The following OPRM1 variants were observed in gnomAD, a reference collection of about 807,000 sequenced individuals.
OPRM1 encodes opioid receptor mu 1.
In OPRM1, 27 loss-of-function variants were observed where a neutral mutation model predicts 31.8. The ratio of observed to expected loss-of-function variants is 0.85; its 90% CI spans 0.63 to 1.17. The LOEUF is 1.17. OPRM1 is among the 50% of genes most tolerant of loss of function. The pLI is 0.00. For missense variants in OPRM1, 536 were observed against 511.1 expected (o/e 1.05, Z -0.47); for synonymous variants, 196 against 189.9 (o/e 1.03, Z -0.26).
In OPRM1 at chr6:154,201,469, C is replaced by A. The variant is rs563123941; in HGVS notation, c.1165-45224C>A. ...TTTTAACTTTATTGGCCAACAAAAT[C>A]AAAAAATCTAGACTCCAGTACTCTA... On this transcript the variant is annotated intron_variant, in intron 3 of 3. Transcript: ENST00000337049. Among the ~76,000 whole-genome samples, 38 of 152,202 alleles carry A rather than the reference C, an allele frequency of 2.5e-4. 1 individual carries two copies. Among genetic ancestry groups the A allele is most frequent in the Admixed American group, 4.6e-4 (7 of 15,284 alleles).
intron 3 of OPRM1, among the ~76,000 whole-genome samples, chr6:154,240,533 A>AG (rs1780496369): frequency 6.6e-6 from 1 of 151,820 alleles, no homozygotes; most frequent in Admixed American, 6.6e-5. Flanking sequence ...AAAAAAAAAA[A>AG]GGTACTCTAT....
At chr6:154,030,556 A>G (rs1171044012) in intron 1 of OPRM1, among the ~76,000 whole-genome samples, 1 of 152,200 alleles carries the variant, frequency 6.6e-6, no homozygotes, top group Non-Finnish European at 1.5e-5. Flanking sequence ...AGTAATAGAA[A>G]ATATTCACCA....
Position 154,132,059 on chromosome 6 carries a change from G to A in OPRM1, c.*13338G>A, listed in dbSNP as rs150233609. Among the ~76,000 whole-genome samples, 1 of 151,714 alleles carries A rather than the reference G, an allele frequency of 6.6e-6. No individual in the cohort carries two copies. The highest frequency in any genetic ancestry group is 1.9e-4 in the East Asian group (1 of 5,160). On this transcript the variant is annotated 3_prime_UTR_variant, in exon 4 of 4. Transcript: ENST00000330432. ...CAAAGCTACTATTTCACATTTCCAG[G>A]TAGGACAGGATGATCAGATGCAGCT...
intron 2 of OPRM1, 48 bp from the exon 3 acceptor site, chr6:154,090,904 A>G (rs1037249543): frequency 6.5e-7 from 1 of 1,549,822 alleles, no homozygotes; most frequent in East Asian, 2.2e-5. Flanking sequence ...ACCTTATGAC[A>G]TAATTAAATG....
chr6:154,184,545 A>ATC lies in OPRM1; in HGVS notation c.1165-62147_1165-62146insCT, dbSNP rs1475048006. Among the ~76,000 whole-genome samples the ATC allele has an allele frequency of 1.3e-4, 20 of 152,170 alleles. 1 individual carries two copies. The highest frequency in any genetic ancestry group is 3.3e-4 in the Admixed American group (5 of 15,280). ...TGTACATCTATGTATGTGTATGTAT[A>ATC]TATATATATGCGCATTGGTACATAG... is the stretch of plus-strand genomic sequence containing the variant. On this transcript the variant is annotated intron_variant, in intron 3 of 3. Coordinates refer to the OPRM1 transcript ENST00000337049.
intron 3 of OPRM1, chr6:154,110,335 T>G (rs972799287): frequency 6.3e-6 from 8 of 1,262,798 alleles, no homozygotes; most frequent in Non-Finnish European, 9.0e-6. Context: ...GTTCTGTTTT[T>G]GAATGAAATA....
chr6:154,158,933 T>C (rs1798821032), intron 3 of OPRM1: 1 of 152,190 alleles, frequency 6.6e-6, no homozygotes, highest in Non-Finnish European at 1.5e-5. Flanking sequence ...TGAGTAAAGA[T>C]ATTAAAACAA....
chr6:154,155,949 TATC>T (rs1419353389), intron 3 of OPRM1: 1 of 152,218 alleles, frequency 6.6e-6, no homozygotes, highest in Non-Finnish European at 1.5e-5. Flanking sequence ...CTGAGTAAAT[TATC>T]ATGATTACAT....
At chr6:154,158,627 T>C (rs2128545134) in intron 3 of OPRM1, 1 of 152,324 alleles carries the variant, frequency 6.6e-6, no homozygotes, top group Non-Finnish European at 1.5e-5. Context: ...CCCCATTTTT[T>C]TCCCACAAGA....
chr6:154,070,934 G>A (rs191406363), intron 1 of OPRM1, among the ~76,000 whole-genome samples: 1 of 152,166 alleles, frequency 6.6e-6, no homozygotes, highest in Non-Finnish European at 1.5e-5. Flanking sequence ...TAAAAGGCAG[G>A]TTTTTGTTTC....
chr6:154,053,993 A>C (rs1298026040), intron 1 of OPRM1, among the ~76,000 whole-genome samples: 3 of 152,094 alleles, frequency 2.0e-5, no homozygotes, highest in Non-Finnish European at 4.4e-5. Flanking sequence ...AAATCCCCAC[A>C]ATATGCTTAG....
chr6:154,135,054 C>T (rs546899888), downstream of OPRM1, among the ~76,000 whole-genome samples: 602 of 152,286 alleles, frequency 4.0e-3, 1 homozygote, highest in Non-Finnish European at 7.3e-3. Context: ...ATCTATAGTC[C>T]GCATTCTAAC....
At chr6:154,167,849 ATCTC>A (rs1799562389) in intron 3 of OPRM1, 1 of 1,162,182 alleles carries the variant, frequency 8.6e-7, no homozygotes, top group Non-Finnish European at 1.2e-6. Context: ...ATTAGCAAGA[ATCTC>A]TCTGCAGAAC....
chr6:154,039,184 C>T (rs1779517207), upstream of OPRM1: 2 of 1,551,588 alleles, frequency 1.3e-6, no homozygotes. Flanking sequence ...GAAGAGTGCC[C>T]AGTGAAGAGA....
intron 1 of OPRM1, among the ~76,000 whole-genome samples, chr6:154,018,018 C>G (rs1562370030): frequency 6.6e-6 from 1 of 152,118 alleles, no homozygotes; most frequent in Non-Finnish European, 1.5e-5. Flanking sequence ...TTACAGCACT[C>G]CCCAGGGAAA....
At chr6:154,091,967 G>A in intron 3 of OPRM1, 1 of 985,514 alleles carries the variant, frequency 1.0e-6, no homozygotes, top group Non-Finnish European at 1.2e-6. Context: ...TGGAAAAGGA[G>A]AAAAGATTAA....
At chr6:154,078,793 G>A (rs528886822) in intron 1 of OPRM1, among the ~76,000 whole-genome samples, 2 of 152,220 alleles carry the variant, frequency 1.3e-5, no homozygotes, top group South Asian at 2.1e-4. Context: ...GTAGAGGATC[G>A]CTTGAACAGA....
At chr6:154,218,681 T>C (rs1016392165) in intron 3 of OPRM1, among the ~76,000 whole-genome samples, 5 of 152,244 alleles carry the variant, frequency 3.3e-5, no homozygotes, top group Non-Finnish European at 5.9e-5. Flanking sequence ...AGTTGCATTG[T>C]TGGCTACTAG....
chr6:154,078,910 A>G (rs1788458776), intron 1 of OPRM1, among the ~76,000 whole-genome samples: 1 of 152,220 alleles, frequency 6.6e-6, no homozygotes, highest in South Asian at 2.1e-4. Context: ...CTAAAAGACT[A>G]AAAGAATATG....
Sources: gnomAD v4.1 joint callset for allele counts (sites outside exome capture counted in the v4.1 genomes callset) on GRCh38, gnomAD v4.1.1 for gene constraint, MANE v1.5 for transcripts, NCBI Gene and HGNC (gene_info 2026-07-23, HGNC 2026-07-21) for gene names.